The following NRF1 variants were observed in gnomAD, a reference collection of about 807,000 sequenced individuals.
The protein encoded by NRF1 is alpha palindromic-binding protein.
In NRF1, 5 loss-of-function variants were observed where a neutral mutation model predicts 58.5. The observed-to-expected ratio is 0.09, with a 90% CI of 0.04 to 0.18. NRF1 has a LOEUF of 0.18. Ranked by LOEUF, NRF1 falls within the 10% of genes least tolerant of loss-of-function variation. The pLI is 1.00. For synonymous variants in NRF1, 224 were observed against 246.7 expected (o/e 0.91, Z 0.86); for missense variants, 288 against 657.7 (o/e 0.44, Z 6.15).
At chr7:129,670,250 A>G (rs1252204165) in intron 2 of NRF1, among the ~76,000 whole-genome samples, 1 of 152,236 alleles carries the variant, frequency 6.6e-6, no homozygotes, top group African/African-American at 2.4e-5. Flanking sequence ...GCCGTACAAC[A>G]TTGGGCTTAT....
intron 1 of NRF1, among the ~76,000 whole-genome samples, chr7:129,617,374 C>T (rs1800680657): frequency 6.6e-6 from 1 of 152,106 alleles, no homozygotes; most frequent in Non-Finnish European, 1.5e-5. Flanking sequence ...GAGGAAATGT[C>T]CCAATGAAAC....
chr7:129,637,522 TAA>T (rs895723482), intron 1 of NRF1, among the ~76,000 whole-genome samples: 23 of 152,172 alleles, frequency 1.5e-4, no homozygotes, highest in African/African-American at 5.5e-4. Context: ...AAAGCAGAAA[TAA>T]AGTTTTTATA....
At position 129,711,564 on chromosome 7, in the gene NRF1, G is replaced by A; in HGVS notation, c.1053G>A (p.Val351=). The A allele has an allele frequency of 6.2e-7, 1 of 1,610,322 alleles. No individual in the cohort carries two copies. Among genetic ancestry groups the A allele is most frequent in the Non-Finnish European group, 8.5e-7 (1 of 1,177,976 alleles). ...VTVAQVNYSA[V]ADGEVEQNWA... Reference sequence around the variant, plus strand: ...TTGCCCAAGTGAATTATTCTGCCGTGGCTGATGGAGAGGTAAGAAAGAGAT... The same window carrying A: ...TTGCCCAAGTGAATTATTCTGCCGTAGCTGATGGAGAGGTAAGAAAGAGAT... The change falls in exon 8 of 11, where the codon GTG becomes GTA. Residue 351 remains valine, a synonymous_variant. Transcript: ENST00000393232.
intron 10 of NRF1, among the ~76,000 whole-genome samples, chr7:129,728,438 C>T (rs1284389827): frequency 1.6e-5 from 2 of 122,662 alleles, no homozygotes; most frequent in Admixed American, 9.8e-5. Flanking sequence ...CACTGCACTC[C>T]AACCTGGGTG....
rs535049069 is a variant in NRF1, at chr7:129,625,206, A to G, written c.-7+13382A>G. On this transcript the variant is annotated intron_variant, in intron 1 of 10. Transcript: ENST00000393232. ...ATTGTCTCCTCTCCGTGTAATCTCT[A>G]TCTGCTTCACCCTTAAAAGGACACT... is the stretch of plus-strand genomic sequence containing the variant. 1.1e-4 allele frequency among the ~76,000 whole-genome samples: 17 copies of G among 152,192 alleles called. No homozygotes were observed. The South Asian group carries it at 2.3e-3, about 20-fold the overall frequency.
At chr7:129,701,611 A>G (rs1022862813) in intron 5 of NRF1, among the ~76,000 whole-genome samples, 4 of 147,942 alleles carry the variant, frequency 2.7e-5, no homozygotes, top group African/African-American at 9.9e-5. Flanking sequence ...AAAGAAAAAG[A>G]AAAAAAAAAG....
intron 1 of NRF1, among the ~76,000 whole-genome samples, chr7:129,634,388 C>G (rs890246885): frequency 2.0e-5 from 3 of 152,034 alleles, no homozygotes; most frequent in African/African-American, 7.2e-5. Flanking sequence ...TTTTTTTTTA[C>G]TGTCTCCATA....
At chr7:129,673,315 A>G (rs896818352) in intron 3 of NRF1, among the ~76,000 whole-genome samples, 1 of 152,194 alleles carries the variant, frequency 6.6e-6, no homozygotes, top group Non-Finnish European at 1.5e-5. Flanking sequence ...CTTGTTTGAT[A>G]AGTGGTCCTT....
intron 3 of NRF1, among the ~76,000 whole-genome samples, chr7:129,675,402 A>G (rs1238185637): frequency 1.3e-5 from 2 of 152,236 alleles, no homozygotes; most frequent in Non-Finnish European, 2.9e-5. Flanking sequence ...TCTTAATGGC[A>G]TCTTGAATGG....
intron 1 of NRF1, among the ~76,000 whole-genome samples, chr7:129,620,388 C>CTTTTTT (rs10714338): frequency 7.5e-6 from 1 of 132,602 alleles, no homozygotes. Flanking sequence ...AATCAAATCA[C>CTTTTTT]TTTTTTTTTT....
intron 1 of NRF1, among the ~76,000 whole-genome samples, chr7:129,646,849 A>T (rs1190012743): frequency 6.6e-6 from 1 of 152,136 alleles, no homozygotes; most frequent in African/African-American, 2.4e-5. Context: ...AGACGGAGAG[A>T]GAGAGATAAA....
At chr7:129,702,526 G>A (rs1802850348) in intron 5 of NRF1, among the ~76,000 whole-genome samples, 1 of 149,330 alleles carries the variant, frequency 6.7e-6, no homozygotes, top group Non-Finnish European at 1.5e-5. Context: ...TCATCTCTCT[G>A]AACAGAGATC....
Position 129,619,510 on chromosome 7 carries a change from A to G in NRF1, c.-7+7686A>G, listed in dbSNP as rs189856878. 5.8e-4 allele frequency among the ~76,000 whole-genome samples: 71 copies of G among 121,536 alleles called. 2 individuals carry two copies. Among genetic ancestry groups the G allele is most frequent in the African/African-American group, 2.0e-3 (66 of 32,734 alleles). The allele number at this position is 121,536 out of a possible 152,430, so 79.7% of individuals were successfully genotyped here. The stretch of plus-strand genomic sequence containing the variant: ...TGTGTGTATATATATATATATATAT[A>G]TATGTATTGTTTTGCTGGGAACCAT... On this transcript the variant is annotated intron_variant, in intron 1 of 10. Transcript: ENST00000393232.
At chr7:129,728,487 A>AC in intron 10 of NRF1, among the ~76,000 whole-genome samples, 1 of 133,018 alleles carries the variant, frequency 7.5e-6, no homozygotes, top group Non-Finnish European at 1.6e-5. Flanking sequence ...AAAAAAAAAA[A>AC]AAAAAAACCA....
chr7:129,622,571 C>CTTTTTTTTTTTTT (rs71527916), intron 1 of NRF1, among the ~76,000 whole-genome samples: 1 of 132,566 alleles, frequency 7.5e-6, no homozygotes. Context: ...CTTTTCTTTT[C>CTTTTTTTTTTTTT]TTTTTTTTTT....
At chr7:129,683,281 T>C (rs568136045) in intron 4 of NRF1, among the ~76,000 whole-genome samples, 2 of 141,684 alleles carry the variant, frequency 1.4e-5, no homozygotes, top group South Asian at 2.3e-4. Flanking sequence ...ATTTCAATCA[T>C]GTGGAGAGTG....
chr7:129,725,225 T>C (rs1803423561), intron 9 of NRF1, among the ~76,000 whole-genome samples: 1 of 152,164 alleles, frequency 6.6e-6, no homozygotes, highest in African/African-American at 2.4e-5. Context: ...TCTGAGTGTA[T>C]TTAACTCCCT....
Position 129,619,459 on chromosome 7 carries a change from C to CGT in NRF1, c.-7+7666_-7+7667dup, listed in dbSNP as rs199945725. ...ACACACACACACACATATATATACA[C>CGT]GTGTGTGTGTGTGTGTGTGTGTGTG... On this transcript the variant is annotated intron_variant, in intron 1 of 10. Transcript: ENST00000393232. 2.5e-3 allele frequency among the ~76,000 whole-genome samples: 152 copies of CGT among 61,158 alleles called. 7 individuals carry two copies. The highest frequency in any genetic ancestry group is 0.011 in the African/African-American group (149 of 13,382). The allele number at this position is 61,158 out of a possible 152,430, so 40.1% of individuals were successfully genotyped here. A position where few individuals can be genotyped will look rare whatever the true frequency, so the allele number is the denominator to read the frequency against.
At chr7:129,669,347 A>T (rs1280907020) in intron 2 of NRF1, among the ~76,000 whole-genome samples, 2 of 152,224 alleles carry the variant, frequency 1.3e-5, no homozygotes, top group African/African-American at 4.8e-5. Context: ...AAAAGAAAAA[A>T]ATTATAAAAT....
Sources: gnomAD v4.1 joint callset for allele counts (sites outside exome capture counted in the v4.1 genomes callset) on GRCh38, gnomAD v4.1.1 for gene constraint, MANE v1.5 for transcripts, NCBI Gene and HGNC (gene_info 2026-07-23, HGNC 2026-07-21) for gene names.